The following SLC8A2 variants were observed in gnomAD, a reference collection of about 807,000 sequenced individuals.
SLC8A2 encodes solute carrier family 8 member A2.
SLC8A2 carries 14 observed loss-of-function variants against 70.2 expected under a neutral mutation model. That is an observed-to-expected ratio of 0.20 (90% confidence interval 0.13 to 0.31). The LOEUF (loss-of-function observed/expected upper bound fraction) is 0.31. Ranked by LOEUF, SLC8A2 falls within the 10% of genes least tolerant of loss-of-function variation. The probability of loss-of-function intolerance (pLI) is 1.00; values close to 1 mark genes in which losing one functional copy is unlikely to be tolerated. For synonymous variants in SLC8A2, 575 were observed against 594.3 expected, an observed-to-expected ratio of 0.97 and a Z score of 0.47; for missense variants, 779 against 1,320.1, an observed-to-expected ratio of 0.59 and a Z score of 6.35.
At position 47,457,034 on chromosome 19, in the gene SLC8A2, C is replaced by T. The variant is rs1967313029; in HGVS notation, c.1236G>A (p.Val412=). The part of the protein sequence containing the change: ...LYHCLENCGS[V]LLSVTCQGGE... ...CGCCCTGGCACGTGACGGACAGCAG[C>T]ACGGAGCCGCAGTTCTCCAGGCAGT... Residue 412 remains valine (V), a synonymous_variant, in exon 3 of 10, where the codon GTG becomes GTA. Coordinates refer to ENST00000236877, the MANE Select transcript of SLC8A2 (RefSeq NM_015063.3). The T allele has an allele frequency of 6.2e-7, 1 of 1,609,550 alleles. No individual in the cohort carries two copies. Among genetic ancestry groups the T allele is most frequent in the Non-Finnish European group, 8.5e-7 (1 of 1,178,158 alleles).
At chr19:47,458,962 C>T (rs574172124) in intron 2 of SLC8A2, among the ~76,000 whole-genome samples, 1 of 150,880 alleles carries the variant, frequency 6.6e-6, no homozygotes, top group African/African-American at 2.4e-5. Flanking sequence ...GTCTCTGTCT[C>T]TGCTCATCTC....
Position 47,466,541 on chromosome 19 carries a change from G to A in SLC8A2, c.-16-122C>T. ...GCTGAGGACCAATGCAGGCAGGATG[G>A]GGACTGAGGGCGACAGAGACACAGA... is the stretch of plus-strand genomic sequence containing the variant. On this transcript the variant is annotated intron_variant, in intron 1 of 9. Coordinates refer to ENST00000236877, the MANE Select transcript of SLC8A2 (RefSeq NM_015063.3). This position sits in a 1 kb window ranked among gnomAD's most constrained non-coding sequence, Gnocchi z 6.9. The A allele has an allele frequency of 1.8e-6, 1 of 564,354 alleles. No homozygotes were observed. The highest frequency in any genetic ancestry group is 3.1e-6 in the Non-Finnish European group (1 of 320,448). 35.0% of individuals were successfully genotyped at this position (564,354 alleles called of 1,614,324 possible).
chr19:47,464,638 G>A (rs368926547), intron 2 of SLC8A2, among the ~76,000 whole-genome samples: 25 of 152,230 alleles, frequency 1.6e-4, no homozygotes, highest in African/African-American at 5.5e-4. Context: ...AAACCCACAA[G>A]GCATTTTTCT....
chr19:47,449,893 T>G (rs1967214782), intron 3 of SLC8A2, among the ~76,000 whole-genome samples: 1 of 152,072 alleles, frequency 6.6e-6, no homozygotes, highest in Non-Finnish European at 1.5e-5. Context: ...CTGTGAAGCT[T>G]CGTTCCGAGC....
intron 1 of SLC8A2, among the ~76,000 whole-genome samples, chr19:47,469,049 G>A (rs116470955): frequency 5.3e-5 from 8 of 152,102 alleles, no homozygotes; most frequent in Non-Finnish European, 1.2e-4. Flanking sequence ...TGGCTCCTCT[G>A]GGGGAGGGAG....
In SLC8A2 at chr19:47,437,957, C is replaced by T; in HGVS notation, c.1902G>A (p.Lys634=). Residue 634 remains lysine (K), a synonymous_variant, in exon 7 of 10, where the codon AAG becomes AAA. Coordinates refer to ENST00000236877, the MANE Select transcript of SLC8A2 (RefSeq NM_015063.3). Reference sequence around the variant, plus strand: ...GAGCCTCCTCCTCCTCGGCTGTTAGCTTCCTGTCCCCATCCCCTGCAGCAT... The same window carrying T: ...GAGCCTCCTCCTCCTCGGCTGTTAGTTTCCTGTCCCCATCCCCTGCAGCAT... The part of the protein sequence containing the change: ...LLLNQGDGDR[K]LTAEEEEARR... 6.2e-7 allele frequency: 1 copy of T among 1,614,148 alleles called. No individual in the cohort carries two copies. Among genetic ancestry groups the T allele is most frequent in the Non-Finnish European group, 8.5e-7 (1 of 1,180,020 alleles).
In SLC8A2 at chr19:47,432,124, C is replaced by T. The variant is rs375126636; in HGVS notation, c.2389+43G>A. ...AGGATCCTGTGTTGCCCCTGCCTGG[C>T]TCATCTGAGATCCTACCCCACCAAA... On this transcript the variant is annotated intron_variant, in intron 9 of 9. Coordinates refer to ENST00000236877, the MANE Select transcript of SLC8A2 (RefSeq NM_015063.3). The surrounding 1 kb of genome is among the most constrained non-coding windows in gnomAD (Gnocchi z 6.2). 2 of 1,545,312 alleles carry T rather than the reference C, an allele frequency of 1.3e-6. No homozygotes were observed. Among genetic ancestry groups the T allele is most frequent in the African/African-American group, 2.7e-5 (2 of 73,308 alleles).
Position 47,430,515 on chromosome 19 carries a change from A to G in SLC8A2, c.2390-50T>C, listed in dbSNP as rs1443493354. The G allele has an allele frequency of 4.0e-6, 6 of 1,508,346 alleles. No homozygotes were observed. In the South Asian group the frequency reaches 7.6e-5, roughly 19 times the overall value. The allele number at this position is 1,508,346 out of a possible 1,614,324, so 93.4% of individuals were successfully genotyped here. On this transcript the variant is annotated intron_variant, in intron 9 of 9. Transcript: ENST00000236877. The surrounding 1 kb of genome is among the most constrained non-coding windows in gnomAD (Gnocchi z 5.9). Reference sequence around the variant, plus strand: ...GGAGGGGCTTTGCGCCGCCACCCACAGGGGCGGGCATCCGCCTGCCCCCTC... The same window carrying G: ...GGAGGGGCTTTGCGCCGCCACCCACGGGGGCGGGCATCCGCCTGCCCCCTC...
chr19:47,430,417 G>A lies in SLC8A2; in HGVS notation c.2438C>T (p.Ala813Val). 1 of 1,608,446 alleles carries A rather than the reference G, an allele frequency of 6.2e-7. No homozygotes were observed. The highest frequency in any genetic ancestry group is 8.5e-7 in the Non-Finnish European group (1 of 1,178,608). The change falls in exon 10 of 10, where the codon GCG becomes GTG. Residue 813 changes from alanine to valine, a missense_variant. Around this residue, in one of 6 missense-constraint regions of SLC8A2, gnomAD observed 108 missense variants for 269.6 expected, o/e 0.40. Transcript: ENST00000236877. This position sits in a 1 kb window ranked among gnomAD's most constrained non-coding sequence, Gnocchi z 5.9. ...GGAGCCGGTCACGTTGCCGATGGAC[G>A]CGTCGGCGCACTGGTCCTGCAGCGC... ...VAALQDQCAD[A>V]SIGNVTGSNA... is the part of the protein sequence containing the mutation.
chr19:47,470,348 TACACACACACACACAC>T (rs71180846), intron 1 of SLC8A2, among the ~76,000 whole-genome samples: 1 of 139,300 alleles, frequency 7.2e-6, no homozygotes, highest in Admixed American at 7.1e-5. Context: ...GGAGACATCA[TACACACACACACACAC>T]ACACACACAC....
intron 3 of SLC8A2, among the ~76,000 whole-genome samples, chr19:47,450,537 G>A (rs1045936604): frequency 6.6e-6 from 1 of 152,120 alleles, no homozygotes; most frequent in South Asian, 2.1e-4. Flanking sequence ...AGGTGGGGGC[G>A]GGGAGTCAGG....
intron 2 of SLC8A2, among the ~76,000 whole-genome samples, chr19:47,459,787 CTG>C (rs147691710): frequency 2.2e-4 from 33 of 151,474 alleles, no homozygotes; most frequent in African/African-American, 2.9e-4. Flanking sequence ...GTGTGTCCAT[CTG>C]TGTGTGTGTG....
chr19:47,470,664 CA>C (rs1967523847), intron 1 of SLC8A2, among the ~76,000 whole-genome samples: 1 of 152,200 alleles, frequency 6.6e-6, no homozygotes, highest in Non-Finnish European at 1.5e-5. Context: ...AAGAGCTGGA[CA>C]AACAGCAAGA....
intron 9 of SLC8A2, among the ~76,000 whole-genome samples, chr19:47,431,821 T>C (rs1488637372): frequency 1.3e-5 from 2 of 152,064 alleles, no homozygotes; most frequent in African/African-American, 2.4e-5. Context: ...ACTGATTGGC[T>C]TCTCTGACAA....
chr19:47,466,242 C>T lies in SLC8A2; in HGVS notation c.162G>A (p.Leu54=), dbSNP rs146159938. 3.0e-4 allele frequency: 477 copies of T among 1,603,006 alleles called. 5 individuals carry two copies. The East Asian group carries it at 0.01, about 35-fold the overall frequency. Residue 54 remains leucine, a synonymous_variant, in exon 2 of 10, where the codon CTG becomes CTA. Transcript: ENST00000236877. The surrounding 1 kb of genome is among the most constrained non-coding windows in gnomAD (Gnocchi z 6.9). ...GGTCGTCGGGCTCCCACACGGGCAG[C>T]AGCACCCCCGGCTGGCAGCGGTAGG... The part of the protein sequence containing the change: ...QGSYRCQPGV[L]LPVWEPDDPS...
intron 2 of SLC8A2, among the ~76,000 whole-genome samples, chr19:47,463,529 C>T (rs1353390354): frequency 6.7e-6 from 1 of 149,624 alleles, no homozygotes; most frequent in Non-Finnish European, 1.5e-5. Context: ...GTTGGGAGTT[C>T]GAGACCAGCC....
At chr19:47,433,203 C>T (rs1966985893) in intron 8 of SLC8A2, among the ~76,000 whole-genome samples, 1 of 152,146 alleles carries the variant, frequency 6.6e-6, no homozygotes, top group African/African-American at 2.4e-5. Context: ...CTGCTGAAAG[C>T]CAGTCCACAG....
At chr19:47,462,294 C>T (rs1054029622) in intron 2 of SLC8A2, among the ~76,000 whole-genome samples, 3 of 151,988 alleles carry the variant, frequency 2.0e-5, no homozygotes, top group African/African-American at 7.3e-5. Context: ...GACAGAGTTT[C>T]GCTCTTGTTG....
intron 2 of SLC8A2, among the ~76,000 whole-genome samples, chr19:47,464,129 TTAGA>T (rs1967429710): frequency 6.6e-6 from 1 of 152,180 alleles, no homozygotes; most frequent in South Asian, 2.1e-4. Context: ...CTTTCTTTTT[TTAGA>T]TAGAGTCTCA....
Sources: gnomAD v4.1 joint callset for allele counts (sites outside exome capture counted in the v4.1 genomes callset) on GRCh38, gnomAD v4.1.1 for gene constraint, gnomAD v4.1.1 regional missense constraint, Gnocchi (gnomAD v3.1) non-coding constraint, MANE v1.5 for transcripts, NCBI Gene and HGNC (gene_info 2026-07-23, HGNC 2026-07-21) for gene names.